Variants in CBL observed in about 807,000 individuals in gnomAD.
The protein encoded by CBL is Cbl proto-oncogene.
CBL carries 45 observed loss-of-function variants against 96.9 expected under a neutral mutation model. That is an observed-to-expected ratio of 0.46 (90% CI 0.37 to 0.60). The LOEUF (loss-of-function observed/expected upper bound fraction) is 0.60. Among genes scored for constraint, CBL ranks in the 20% least tolerant of loss-of-function variants. The pLI is 0.00. For synonymous variants in CBL, 420 were observed against 426.8 expected (o/e 0.98, Z 0.20); for missense variants, 1,024 against 1,143.5 (o/e 0.90, Z 1.51).
At chr11:119,249,880 C>T (rs1483924420) in intron 2 of CBL, among the ~76,000 whole-genome samples, 1 of 152,062 alleles carries the variant, frequency 6.6e-6, no homozygotes, top group Admixed American at 6.6e-5. Flanking sequence ...TCTCAAACTC[C>T]TGGGCTCAAG....
At chr11:119,261,837 T>A (rs563057339) in intron 2 of CBL, among the ~76,000 whole-genome samples, 1 of 152,336 alleles carries the variant, frequency 6.6e-6, no homozygotes, top group East Asian at 1.9e-4. Flanking sequence ...ATGTTCACAA[T>A]GATTGTTTTG....
chr11:119,210,704 C>T (rs1414018215), intron 1 of CBL, among the ~76,000 whole-genome samples: 1 of 150,880 alleles, frequency 6.6e-6, no homozygotes, highest in Non-Finnish European at 1.5e-5. Context: ...CCACCTCAGC[C>T]TCCCAAAGTG....
intron 2 of CBL, among the ~76,000 whole-genome samples, chr11:119,242,294 G>A (rs912095946): frequency 2.6e-5 from 4 of 152,114 alleles, no homozygotes; most frequent in Non-Finnish European, 5.9e-5. Flanking sequence ...TGTAATCCCA[G>A]CACTTTGGGA....
At chr11:119,219,510 C>T (rs746504534) in intron 1 of CBL, among the ~76,000 whole-genome samples, 6 of 151,786 alleles carry the variant, frequency 4.0e-5, no homozygotes, top group Non-Finnish European at 7.4e-5. Flanking sequence ...TGCACAGAAA[C>T]GTTTTCTGAT....
rs1407581434 is a variant in CBL at position 119,303,995 on chromosome 11, T to TG, written c.*4217dup. The stretch of plus-strand genomic sequence containing the variant: ...CTATGTTTTAGAAGGGCTGGAGGTG[T>TG]GGGCCCTGTCTTCGGGTCTCAGGAC... On this transcript the variant is annotated 3_prime_UTR_variant, in exon 16 of 16. Transcript: ENST00000264033. 9.0e-5 allele frequency: 21 copies of TG among 233,574 alleles called. No homozygotes were observed. Among genetic ancestry groups the TG allele is most frequent in the African/African-American group, 4.6e-4 (21 of 45,332 alleles). The allele number at this position is 233,574 out of a possible 1,614,324, so 14.5% of individuals were successfully genotyped here.
In CBL at chr11:119,274,018, C is replaced by G. The variant is rs2135299122; in HGVS notation, c.741C>G (p.Leu247=). 6.2e-7 allele frequency: 1 copy of G among 1,611,904 alleles called. No homozygotes were observed. Among genetic ancestry groups the G allele is most frequent in the Non-Finnish European group, 8.5e-7 (1 of 1,179,326 alleles). ...SVFEFDIFTR[L]FQPWSSLLRN... ...TTGAATTTGACATCTTTACCCGACT[C>G]TTTCAGGTAGGACACTAAAAAAGTT... is the stretch of plus-strand genomic sequence containing the variant. Residue 247 remains leucine (L), a synonymous_variant, in exon 4 of 16, where the codon CTC becomes CTG. Transcript: ENST00000264033.
At position 119,270,416 on chromosome 11, in the gene CBL, T is replaced by TTATATATATA. The variant is rs142299271; in HGVS notation, c.444-1307_444-1298dup. ...GCACACCACCATGGTCAGCTAATTT[T>TTATATATATA]TATATATATATATATATATATTTTT... On this transcript the variant is annotated intron_variant, in intron 2 of 15. Transcript: ENST00000264033. Among the ~76,000 whole-genome samples the TTATATATATA allele has an allele frequency of 2.4e-3, 182 of 74,326 alleles. 3 individuals are homozygous for TTATATATATA. The highest frequency in any genetic ancestry group is 0.011 in the African/African-American group (169 of 16,050). 48.8% of individuals were successfully genotyped at this position (74,326 alleles called of 152,430 possible).
intron 2 of CBL, among the ~76,000 whole-genome samples, chr11:119,254,155 C>G (rs915926440): frequency 6.6e-6 from 1 of 152,008 alleles, no homozygotes; most frequent in African/African-American, 2.4e-5. Flanking sequence ...TTGAGACTAG[C>G]CTGTGTAATA....
intron 2 of CBL, among the ~76,000 whole-genome samples, chr11:119,243,344 A>AT (rs1217571474): frequency 1.3e-5 from 2 of 151,882 alleles, no homozygotes. Flanking sequence ...TTATTTATTT[A>AT]TTTTTAAAGA....
At position 119,230,419 on chromosome 11, in the gene CBL, C is replaced by T. The variant is rs540087935; in HGVS notation, c.196-2029C>T. On this transcript the variant is annotated intron_variant, in intron 1 of 15. Coordinates refer to ENST00000264033, the MANE Select transcript of CBL (RefSeq NM_005188.4). ...CCTCCCAAAGTGCTGGGATTACAAG[C>T]GTGAGCCACCGCGCCCGGCCTGAAA... 1.9e-3 allele frequency among the ~76,000 whole-genome samples: 293 copies of T among 152,210 alleles called. 1 individual carries two copies. Among genetic ancestry groups the T allele is most frequent in the Non-Finnish European group, 3.2e-3 (215 of 68,018 alleles).
chr11:119,207,975 A>G (rs537629154), intron 1 of CBL, among the ~76,000 whole-genome samples: 1 of 152,228 alleles, frequency 6.6e-6, no homozygotes, highest in Non-Finnish European at 1.5e-5. Context: ...CCAGTAGTGC[A>G]TGCCAGTGGT....
chr11:119,208,692 TG>T (rs1370430796), intron 1 of CBL, among the ~76,000 whole-genome samples: 1 of 152,202 alleles, frequency 6.6e-6, no homozygotes. Context: ...GGCCTGGCCC[TG>T]TATTCTTAAA....
intron 2 of CBL, among the ~76,000 whole-genome samples, chr11:119,249,974 G>A (rs1385986939): frequency 5.9e-5 from 9 of 152,020 alleles, no homozygotes; most frequent in Non-Finnish European, 2.9e-5. Context: ...TGCTAATTCT[G>A]TCATCTTTGT....
intron 9 of CBL, among the ~76,000 whole-genome samples, chr11:119,280,016 G>A (rs180816910): frequency 3.3e-4 from 50 of 152,254 alleles, no homozygotes; most frequent in African/African-American, 1.1e-3. Context: ...ACTATAAGTC[G>A]GATAGGAGTT....
Position 119,299,507 on chromosome 11 carries a change from GT to G in CBL, c.2449del (p.Ser817ProfsTer49). On this transcript the variant is annotated frameshift_variant, in exon 16 of 16. Transcript: ENST00000264033. LOFTEE classifies it high-confidence loss of function. Reference sequence around the variant, plus strand: ...CTATTTCTTCTAGATGTCACTGAAGGTTCCCAAGTTCCCGAGAGGCCTCCAA... The same window carrying G: ...CTATTTCTTCTAGATGTCACTGAAGGTCCCAAGTTCCCGAGAGGCCTCCAA... ...DGDPTTNVTEGSQVPERPPKP... is the reference protein window; with the variant it reads ...DGDPTTNVTEXSQVPERPPKP... 1 of 1,614,096 alleles carries G rather than the reference GT, an allele frequency of 6.2e-7. No individual in the cohort carries two copies. Among genetic ancestry groups the G allele is most frequent in the Non-Finnish European group, 8.5e-7 (1 of 1,179,978 alleles).
chr11:119,238,453 G>T (rs765180175), intron 2 of CBL, among the ~76,000 whole-genome samples: 2 of 151,040 alleles, frequency 1.3e-5, no homozygotes, highest in African/African-American at 2.4e-5. Flanking sequence ...CATGTGACCC[G>T]CCCGCCTCGG....
intron 2 of CBL, among the ~76,000 whole-genome samples, chr11:119,271,070 T>C (rs1014698897): frequency 2.6e-4 from 39 of 152,220 alleles, no homozygotes; most frequent in Non-Finnish European, 1.6e-4. Flanking sequence ...AAAGAAAGCA[T>C]TTATTAGGTC....
intron 2 of CBL, among the ~76,000 whole-genome samples, chr11:119,249,243 A>G (rs375878006): frequency 4.6e-5 from 7 of 152,206 alleles, no homozygotes; most frequent in African/African-American, 1.7e-4. Flanking sequence ...ATATGGTGGA[A>G]TATTATTCAC....
chr11:119,242,487 A>G (rs1949593948), intron 2 of CBL, among the ~76,000 whole-genome samples: 1 of 148,120 alleles, frequency 6.8e-6, no homozygotes, highest in Non-Finnish European at 1.5e-5. Context: ...GCAGTGAGCC[A>G]AGATTGCACC....
Sources: gnomAD v4.1 joint callset for allele counts (sites outside exome capture counted in the v4.1 genomes callset) on GRCh38, gnomAD v4.1.1 for gene constraint, MANE v1.5 for transcripts, NCBI Gene and HGNC (gene_info 2026-07-23, HGNC 2026-07-21) for gene names.